GRK5: variants seen among roughly 807,000 people sequenced by gnomAD.
GRK5 encodes the protein G protein-coupled receptor kinase 5, also known as g protein-coupled receptor kinase GRK5.
In GRK5, 40 loss-of-function variants were observed where a neutral mutation model predicts 78.4. That is an observed-to-expected ratio of 0.51 (90% CI 0.40 to 0.66). The LOEUF is 0.66. Ranked by LOEUF, GRK5 falls within the 30% of genes least tolerant of loss-of-function variation. The probability of loss-of-function intolerance (pLI) is 0.00; values close to 1 mark genes in which losing one functional copy is unlikely to be tolerated. For synonymous variants in GRK5, 289 were observed against 296.8 expected, an observed-to-expected ratio of 0.97 and a Z score of 0.27; for missense variants, 598 against 759.9, an observed-to-expected ratio of 0.79 and a Z score of 2.50.
At chr10:119,318,316 G>T (rs910207556) in intron 1 of GRK5, among the ~76,000 whole-genome samples, 1 of 152,190 alleles carries the variant, frequency 6.6e-6, no homozygotes, top group African/African-American at 2.4e-5. Context: ...TAGGACCTAC[G>T]TCACGGGGGT....
intron 2 of GRK5, among the ~76,000 whole-genome samples, chr10:119,358,409 C>G (rs1379677994): frequency 6.6e-6 from 1 of 152,144 alleles, no homozygotes; most frequent in Non-Finnish European, 1.5e-5. Context: ...AGTGGTGGTG[C>G]CAGGATTGGA....
intron 1 of GRK5, among the ~76,000 whole-genome samples, chr10:119,289,788 T>C (rs1306743320): frequency 1.3e-5 from 2 of 152,238 alleles, no homozygotes; most frequent in African/African-American, 4.8e-5. Flanking sequence ...TGTGGTTCTT[T>C]GGTTTTTCAG....
intron 2 of GRK5, among the ~76,000 whole-genome samples, chr10:119,341,231 G>A (rs1187702655): frequency 1.3e-5 from 2 of 152,154 alleles, no homozygotes; most frequent in African/African-American, 4.8e-5. Flanking sequence ...CAAGCTCCAT[G>A]CAGCAGCCAG....
At chr10:119,244,357 A>G (rs2133744594) in intron 1 of GRK5, among the ~76,000 whole-genome samples, 1 of 152,390 alleles carries the variant, frequency 6.6e-6, no homozygotes, top group African/African-American at 2.4e-5. Flanking sequence ...TGCAAAATAT[A>G]TAAGGAACTC....
chr10:119,320,305 G>A (rs959289601), intron 1 of GRK5, among the ~76,000 whole-genome samples: 3 of 152,262 alleles, frequency 2.0e-5, no homozygotes, highest in Non-Finnish European at 2.9e-5. Context: ...CCACGGGTCC[G>A]CTATCAGCAC....
chr10:119,439,749 C>T lies in GRK5; in HGVS notation c.948C>T (p.Asn316=), dbSNP rs1365261764. The change falls in exon 10 of 16, where the codon AAC becomes AAT. Residue 316 remains asparagine (N), a synonymous_variant. Transcript: ENST00000392870. ...CTTTCAGAGATCTGAAACCTGAAAA[C>T]ATCCTGTTAGATGATTATGGTAAGT... The part of the protein sequence containing the change: ...NTVYRDLKPE[N]ILLDDYGHIR... 2.5e-6 allele frequency: 4 copies of T among 1,614,050 alleles called. No homozygotes were observed. The highest frequency in any genetic ancestry group is 1.3e-5 in the African/African-American group (1 of 75,052).
intron 1 of GRK5, among the ~76,000 whole-genome samples, chr10:119,218,805 ATAG>A (rs2133705918): frequency 6.6e-6 from 1 of 152,306 alleles, no homozygotes; most frequent in East Asian, 1.9e-4. Context: ...TTCCTGGAAC[ATAG>A]TAGGTGTTCA....
At chr10:119,273,487 G>A (rs1168295276) in intron 1 of GRK5, among the ~76,000 whole-genome samples, 1 of 152,190 alleles carries the variant, frequency 6.6e-6, no homozygotes, top group Middle Eastern at 3.2e-3. Flanking sequence ...TGTAATGGAT[G>A]TCTGGGGCAG....
intron 8 of GRK5, among the ~76,000 whole-genome samples, chr10:119,436,224 G>A (rs1324436270): frequency 6.6e-6 from 1 of 152,208 alleles, no homozygotes; most frequent in East Asian, 1.9e-4. Flanking sequence ...AAGCCCCACT[G>A]CCCCTCCAGC....
chr10:119,417,101 GA>G (rs1315109159), intron 4 of GRK5, among the ~76,000 whole-genome samples: 16 of 152,242 alleles, frequency 1.1e-4, no homozygotes, highest in Non-Finnish European at 1.9e-4. Flanking sequence ...GGCCTTGGCT[GA>G]ATGCGTGGAG....
intron 3 of GRK5, among the ~76,000 whole-genome samples, chr10:119,383,067 G>T (rs950713145): frequency 6.6e-6 from 1 of 151,748 alleles, no homozygotes. Flanking sequence ...GCCTACAGGC[G>T]CCCGCCACTA....
At chr10:119,326,029 T>A (rs1324945321) in intron 1 of GRK5, among the ~76,000 whole-genome samples, 5 of 152,164 alleles carry the variant, frequency 3.3e-5, no homozygotes, top group Admixed American at 6.5e-5. Context: ...AAGTGGAAAC[T>A]GAAGTTCTTG....
intron 1 of GRK5, among the ~76,000 whole-genome samples, chr10:119,313,208 AGTG>A (rs1455734323): frequency 2.9e-4 from 22 of 75,398 alleles, no homozygotes; most frequent in African/African-American, 9.7e-4. Flanking sequence ...TGGTAATGGT[AGTG>A]GTGGTGGTGA....
chr10:119,440,947 C>T (rs1853020341), intron 10 of GRK5, among the ~76,000 whole-genome samples: 1 of 152,186 alleles, frequency 6.6e-6, no homozygotes, highest in African/African-American at 2.4e-5. Flanking sequence ...CTCAGGGGAG[C>T]CATCCTGCCA....
chr10:119,406,762 G>A (rs1016601353), intron 4 of GRK5, among the ~76,000 whole-genome samples: 2 of 152,192 alleles, frequency 1.3e-5, no homozygotes, highest in Non-Finnish European at 2.9e-5. Flanking sequence ...CTTGAGAAAG[G>A]GACTTCCAGG....
chr10:119,216,636 C>T (rs1848578601), intron 1 of GRK5, among the ~76,000 whole-genome samples: 1 of 151,688 alleles, frequency 6.6e-6, no homozygotes, highest in African/African-American at 2.4e-5. Context: ...TAGCAAGACC[C>T]CTATCTCTAC....
chr10:119,242,964 C>A (rs969702720), intron 1 of GRK5, among the ~76,000 whole-genome samples: 2 of 152,146 alleles, frequency 1.3e-5, no homozygotes, highest in African/African-American at 2.4e-5. Context: ...ATAGGCCAGG[C>A]GCAGTGGCTC....
At position 119,414,187 on chromosome 10, in the gene GRK5, A is replaced by T. The variant is rs184150866; in HGVS notation, c.340-8979A>T. 2.6e-5 allele frequency among the ~76,000 whole-genome samples: 4 copies of T among 152,354 alleles called. No homozygotes were observed. The East Asian group carries it at 7.7e-4, about 29-fold the overall frequency. On this transcript the variant is annotated intron_variant, in intron 4 of 15. Coordinates refer to ENST00000392870, the MANE Select transcript of GRK5 (RefSeq NM_005308.3). ...CGTTGGGAAATTGCAAATAGTTTAC[A>T]TGGGGAATGTCAGCTGCCCACATAT... is the stretch of plus-strand genomic sequence containing the variant.
chr10:119,209,042 G>A (rs1039867596), intron 1 of GRK5, among the ~76,000 whole-genome samples: 1 of 152,094 alleles, frequency 6.6e-6, no homozygotes, highest in African/African-American at 2.4e-5. Context: ...AAGGGCTTGA[G>A]TTTAGAAGGA....
Sources: allele counts gnomAD v4.1 joint callset (sites outside exome capture counted in the v4.1 genomes callset), GRCh38; gene constraint gnomAD v4.1.1; transcripts MANE v1.5; gene names NCBI Gene and HGNC (gene_info 2026-07-23, HGNC 2026-07-21).